Variants in GPALPP1 observed in about 807,000 individuals in gnomAD.
The protein encoded by GPALPP1 is GPALPP motifs-containing protein 1.
A neutral mutation model predicts 38.9 loss-of-function variants in GPALPP1; 30 were observed. That is an observed-to-expected ratio of 0.77 (90% CI 0.58 to 1.05). The LOEUF is 1.05. Among genes scored for constraint, GPALPP1 ranks in the 50% least tolerant of loss-of-function variants. The pLI, the probability that GPALPP1 is intolerant of heterozygous loss-of-function variation, is 0.00. For synonymous variants in GPALPP1, 120 were observed against 139.2 expected (o/e 0.86, Z 0.97); for missense variants, 384 against 408.8 (o/e 0.94, Z 0.52).
At chr13:45,013,643 G>A (rs1340046554) in intron 4 of GPALPP1, among the ~76,000 whole-genome samples, 2 of 152,178 alleles carry the variant, frequency 1.3e-5, no homozygotes, top group African/African-American at 2.4e-5. Context: ...TGGCTTTAAA[G>A]AGGATAAAGA....
rs1872618494 is a variant in GPALPP1 at position 44,989,659 on chromosome 13, C to G, written c.5C>G (p.Ala2Gly). 1 of 1,612,314 alleles carries G rather than the reference C, an allele frequency of 6.2e-7. No individual in the cohort carries two copies. Among genetic ancestry groups the G allele is most frequent in the African/African-American group, 1.3e-5 (1 of 74,936 alleles). ...GACCAGTGTCCGCCACCGCGGATGG[C>G]AAGAGACCTGATCGGACCGGCCCTG... M[A>G]RDLIGPALPP... Residue 2 changes from alanine (A) to glycine (G), a missense_variant, in exon 1 of 8, where the codon GCA (alanine) becomes GGA (glycine). By Grantham distance (60) the Ala-to-Gly change is moderately conservative. Transcript: ENST00000379151.
intron 7 of GPALPP1, among the ~76,000 whole-genome samples, chr13:45,023,035 A>T (rs1227572750): frequency 2.0e-5 from 3 of 151,290 alleles, no homozygotes; most frequent in Non-Finnish European, 4.4e-5. Flanking sequence ...ACAGAGCAAG[A>T]CCTGTCTCTA....
rs539485648 is a variant in GPALPP1 at position 45,011,499 on chromosome 13, A to G, written c.408+2620A>G. The stretch of plus-strand genomic sequence containing the variant: ...GGTGGAAGGGGAAGCAAACACGTCC[A>G]TCTTCACATGGCAGCACCAAGGAGA... On this transcript the variant is annotated intron_variant, in intron 4 of 7. Coordinates refer to ENST00000379151, the MANE Select transcript of GPALPP1 (RefSeq NM_018559.5). Among the ~76,000 whole-genome samples, 7 of 152,296 alleles carry G rather than the reference A, an allele frequency of 4.6e-5. No individual in the cohort carries two copies. The Middle Eastern group carries it at 0.01, about 222-fold the overall frequency.
In GPALPP1 at chr13:45,006,236, G is replaced by A; in HGVS notation, c.256G>A (p.Asp86Asn). Residue 86 changes from aspartate to asparagine, a missense_variant, in exon 3 of 8, where the codon GAT (aspartate) becomes AAT (asparagine). By Grantham distance (23) the Asp-to-Asn change is conservative. Coordinates refer to ENST00000379151, the MANE Select transcript of GPALPP1 (RefSeq NM_018559.5). ...GAAAAATCAGGATGATGACGATGAT[G>A]ATGATGATGGGTTTTTTGGACCAGC... ...QRKNQDDDDD[D>N]DDGFFGPALP... 2 of 1,610,910 alleles carry A rather than the reference G, an allele frequency of 1.2e-6. No homozygotes were observed. Among genetic ancestry groups the A allele is most frequent in the Non-Finnish European group, 1.7e-6 (2 of 1,177,902 alleles).
intron 7 of GPALPP1, 30 bp from the exon 8 acceptor site, chr13:45,027,755 T>TTTGTATAG: frequency 1.9e-6 from 2 of 1,041,958 alleles, no homozygotes; most frequent in Non-Finnish European, 3.0e-6. Context: ...CAAACTATAG[T>TTTGTATAG]TTTTATTTCT....
chr13:45,020,494 G>T (rs1384588368), intron 7 of GPALPP1, 66 bp downstream of exon 7: 1 of 732,170 alleles, frequency 1.4e-6, no homozygotes, highest in African/African-American at 1.8e-5. Context: ...CCAGCTACTT[G>T]GGAGGCTGAG....
chr13:45,022,570 T>C (rs1455336939), intron 7 of GPALPP1, among the ~76,000 whole-genome samples: 1 of 152,198 alleles, frequency 6.6e-6, no homozygotes, highest in Non-Finnish European at 1.5e-5. Context: ...AAATTCCAGA[T>C]ACTTTCTATT....
At chr13:45,016,315 G>C (rs545642538) in intron 6 of GPALPP1, among the ~76,000 whole-genome samples, 1 of 151,998 alleles carries the variant, frequency 6.6e-6, no homozygotes, top group East Asian at 1.9e-4. Flanking sequence ...TTAGCCAGGC[G>C]CGGTGGCATG....
At chr13:44,999,801 A>G (rs1046590464) in intron 1 of GPALPP1, among the ~76,000 whole-genome samples, 2 of 152,074 alleles carry the variant, frequency 1.3e-5, no homozygotes, top group African/African-American at 4.8e-5. Context: ...GATGGTCTTG[A>G]TCTCTTGACC....
chr13:45,005,814 C>T (rs796600845), intron 2 of GPALPP1, among the ~76,000 whole-genome samples: 2 of 152,200 alleles, frequency 1.3e-5, no homozygotes, highest in African/African-American at 4.8e-5. Flanking sequence ...CACTTGAGGT[C>T]AGGAGTTCGA....
In GPALPP1 at chr13:45,010,810, C is replaced by T. The variant is rs559004949; in HGVS notation, c.408+1931C>T. Among the ~76,000 whole-genome samples the T allele has an allele frequency of 3.0e-3, 458 of 152,140 alleles. 2 individuals carry two copies. Among genetic ancestry groups the T allele is most frequent in the African/African-American group, 9.7e-3 (401 of 41,506 alleles). On this transcript the variant is annotated intron_variant, in intron 4 of 7. Transcript: ENST00000379151. ...ACCACCCAGGGCAACATAGCAAAAC[C>T]GCATCTCTACCAAAAATACAAAAAA... is the stretch of plus-strand genomic sequence containing the variant.
intron 1 of GPALPP1, chr13:44,990,232 G>T: frequency 3.1e-6 from 1 of 322,638 alleles, no homozygotes; most frequent in Non-Finnish European, 5.6e-6. Context: ...TGCCTTCCTA[G>T]CCTCTCATTC....
chr13:44,991,818 T>A (rs1872827753), intron 1 of GPALPP1, among the ~76,000 whole-genome samples: 1 of 152,266 alleles, frequency 6.6e-6, no homozygotes, highest in Non-Finnish European at 1.5e-5. Context: ...GCATGTTTTC[T>A]CTTTCATAAC....
rs114106731 is a variant in GPALPP1 at position 45,008,569 on chromosome 13, G to A, written c.324-226G>A. On this transcript the variant is annotated intron_variant, in intron 3 of 7. Transcript: ENST00000379151. ...ACAAAGATTGAGAATTATTGGCTTAGTCTCTAATTATTGACTAACAAGTAG... is the reference window on the plus strand; with the variant it reads ...ACAAAGATTGAGAATTATTGGCTTAATCTCTAATTATTGACTAACAAGTAG... Among the ~76,000 whole-genome samples, 1,274 of 152,254 alleles carry A rather than the reference G, an allele frequency of 8.4e-3. 9 individuals are homozygous for A. The highest frequency in any genetic ancestry group is 0.026 in the African/African-American group (1,095 of 41,538).
At chr13:45,035,311 A>T (rs1298489542) in exon 8 of GPALPP1, 1 of 152,188 alleles carries the variant, frequency 6.6e-6, no homozygotes, top group East Asian at 1.9e-4. Flanking sequence ...AGTTGGCCAG[A>T]TGGTTCTTAC....
intron 1 of GPALPP1, chr13:44,990,049 A>C (rs1338066762): frequency 1.8e-5 from 9 of 511,744 alleles, no homozygotes; most frequent in Non-Finnish European, 3.1e-5. Flanking sequence ...ATAAGAAAAA[A>C]ACTATTTTCC....
At chr13:45,014,889 A>G in intron 4 of GPALPP1, 63 bp from the exon 5 acceptor site, 1 of 1,271,046 alleles carries the variant, frequency 7.9e-7, no homozygotes, top group Non-Finnish European at 1.1e-6. Flanking sequence ...CAGGTAATTT[A>G]GAATTATTTT....
chr13:45,032,686 G>A (rs1177362047), downstream of GPALPP1, among the ~76,000 whole-genome samples: 8 of 151,048 alleles, frequency 5.3e-5, no homozygotes, highest in East Asian at 4.0e-4. Flanking sequence ...GATTACAGGC[G>A]TGAGCCACCG....
chr13:45,027,135 C>G (rs1050389930), intron 7 of GPALPP1, among the ~76,000 whole-genome samples: 14 of 152,178 alleles, frequency 9.2e-5, no homozygotes, highest in Non-Finnish European at 1.2e-4. Flanking sequence ...ATCTCCTTTT[C>G]CATCTCCCTC....
Sources: gnomAD v4.1 joint callset for allele counts (sites outside exome capture counted in the v4.1 genomes callset) on GRCh38, gnomAD v4.1.1 for gene constraint, MANE v1.5 for transcripts, NCBI Gene and HGNC (gene_info 2026-07-23, HGNC 2026-07-21) for gene names.